Variants in TMC7 observed in about 807,000 individuals in gnomAD.
TMC7 encodes transmembrane channel like 7, also known as transmembrane channel-like protein 7.
TMC7 carries 54 observed loss-of-function variants against 82.9 expected under a neutral mutation model. The ratio of observed to expected loss-of-function variants is 0.65; its 90% CI spans 0.52 to 0.82. The LOEUF (loss-of-function observed/expected upper bound fraction) is 0.82, where lower values mean the gene tolerates loss of function less well. TMC7 is among the 40% of genes least tolerant of loss of function. TMC7 has a pLI of 0.00. For missense variants in TMC7, 820 were observed against 901.2 expected, an observed-to-expected ratio of 0.91 and a Z score of 1.15; for synonymous variants, 350 against 337.9, an observed-to-expected ratio of 1.04 and a Z score of -0.39.
chr16:19,000,354 C>A (rs2039120685), intron 1 of TMC7, among the ~76,000 whole-genome samples: 1 of 152,076 alleles, frequency 6.6e-6, no homozygotes, highest in Non-Finnish European at 1.5e-5. Context: ...GTAATCCCAG[C>A]TACTTGGGAG....
intron 1 of TMC7, among the ~76,000 whole-genome samples, chr16:18,986,929 C>T (rs1196428985): frequency 1.1e-4 from 17 of 151,360 alleles, no homozygotes; most frequent in Middle Eastern, 3.2e-3. Context: ...CTCAGCCTCC[C>T]GAGTAGCTGG....
At position 18,988,694 on chromosome 16, in the gene TMC7, T is replaced by C. The variant is rs553755695; in HGVS notation, c.67+4564T>C. On this transcript the variant is annotated intron_variant, in intron 1 of 15. Transcript: ENST00000304381. Reference sequence around the variant, plus strand: ...TCTTGCCTTGGCCTCCTGGAGCACTTGATTACGGGCATGACTGCATGTGCC... The same window carrying C: ...TCTTGCCTTGGCCTCCTGGAGCACTCGATTACGGGCATGACTGCATGTGCC... 2.0e-5 allele frequency among the ~76,000 whole-genome samples: 3 copies of C among 152,308 alleles called. No homozygotes were observed. In the South Asian group the frequency reaches 6.2e-4, roughly 32 times the overall value.
At chr16:19,001,005 C>T (rs1229196438) in intron 1 of TMC7, among the ~76,000 whole-genome samples, 1 of 151,996 alleles carries the variant, frequency 6.6e-6, no homozygotes, top group East Asian at 1.9e-4. Flanking sequence ...AGAGTGAGAT[C>T]CTGTCTCAAA....
chr16:19,011,592 C>T (rs1211452868), intron 2 of TMC7, among the ~76,000 whole-genome samples: 33 of 151,522 alleles, frequency 2.2e-4, no homozygotes. Flanking sequence ...TGATGTGTGC[C>T]TATAGTCCCA....
rs2142252868 is a variant in TMC7 at position 19,035,695 on chromosome 16, A to G, written c.877A>G (p.Ile293Val). The G allele has an allele frequency of 6.2e-7, 1 of 1,614,170 alleles. No individual in the cohort carries two copies. Among genetic ancestry groups the G allele is most frequent in the East Asian group, 2.2e-5 (1 of 44,886 alleles). ...GGTCAGGTCGGTGGAAGGATTCAAA[A>G]TCAACCTGATTCGGAGTGAGGAGCA... ...IVKRSVEGFKINLIRSEEHFQ... is the reference protein window; with the variant it reads ...IVKRSVEGFKVNLIRSEEHFQ... The change falls in exon 7 of 16, where the codon ATC becomes GTC. Residue 293 changes from isoleucine (I) to valine (V), a missense_variant. Physicochemically the swap from Ile to Val is conservative, Grantham distance 29 (BLOSUM62 3). Transcript: ENST00000304381.
intron 1 of TMC7, among the ~76,000 whole-genome samples, chr16:19,000,435 A>T (rs539067982): frequency 6.6e-6 from 1 of 152,206 alleles, no homozygotes; most frequent in East Asian, 1.9e-4. Context: ...CCACTGCACC[A>T]CTGCACTCCA....
chr16:19,020,952 A>C (rs1217775762), intron 3 of TMC7, among the ~76,000 whole-genome samples: 2 of 152,122 alleles, frequency 1.3e-5, no homozygotes, highest in Non-Finnish European at 2.9e-5. Context: ...ACAGAAAACT[A>C]TAATAGTATT....
chr16:19,037,204 A>T (rs1198855605), intron 7 of TMC7, among the ~76,000 whole-genome samples: 1 of 151,664 alleles, frequency 6.6e-6, no homozygotes, highest in Admixed American at 6.6e-5. Context: ...CCTGGCCAAT[A>T]TGGTGAAACC....
At chr16:18,998,974 C>T (rs573672470) in intron 1 of TMC7, among the ~76,000 whole-genome samples, 6 of 152,284 alleles carry the variant, frequency 3.9e-5, no homozygotes, top group Admixed American at 2.6e-4. Flanking sequence ...CGGGAGGCTA[C>T]CAGGGCCTCT....
At chr16:19,056,477 C>T (rs911526551) in intron 13 of TMC7, 65 bp from the exon 14 acceptor site, 27 of 1,546,130 alleles carry the variant, frequency 1.7e-5, no homozygotes, top group Non-Finnish European at 2.3e-5. Context: ...TCTGGGTGTA[C>T]AGGGGCGGGA....
chr16:19,004,709 C>A (rs1407319394), intron 1 of TMC7, among the ~76,000 whole-genome samples: 7 of 152,010 alleles, frequency 4.6e-5, no homozygotes, highest in African/African-American at 1.7e-4. Context: ...ATCCATGGCC[C>A]CCTGAATTTT....
intron 14 of TMC7, among the ~76,000 whole-genome samples, chr16:19,058,277 G>A (rs1232687747): frequency 6.6e-6 from 1 of 152,112 alleles, no homozygotes; most frequent in Non-Finnish European, 1.5e-5. Context: ...CTACTTAGGA[G>A]GCTGAGGCAG....
At chr16:19,058,382 A>AAAAT (rs904054515) in intron 14 of TMC7, among the ~76,000 whole-genome samples, 7 of 151,354 alleles carry the variant, frequency 4.6e-5, no homozygotes, top group South Asian at 2.1e-4. Flanking sequence ...CTCCGTCTCA[A>AAAAT]AAATAAATAA....
rs976060622 is a variant in TMC7 at position 19,062,036 on chromosome 16, C to A, written c.*193C>A. ...TTAGGGCTTCAGTGACTTAGAAAAG[C>A]AGGGGAAACCCAAGGCTTTGCCTGC... On this transcript the variant is annotated 3_prime_UTR_variant, in exon 16 of 16. Transcript: ENST00000304381. The A allele has an allele frequency of 2.3e-6, 1 of 428,036 alleles. No individual in the cohort carries two copies. The allele number at this position is 428,036 out of a possible 1,614,324, so 26.5% of individuals were successfully genotyped here. A position where few individuals can be genotyped will look rare whatever the true frequency, so the allele number is the denominator to read the frequency against.
At chr16:19,036,886 G>A (rs752560653) in intron 7 of TMC7, among the ~76,000 whole-genome samples, 11 of 152,150 alleles carry the variant, frequency 7.2e-5, no homozygotes, top group East Asian at 1.9e-4. Flanking sequence ...CACTAAATAC[G>A]AACTGATTAA....
chr16:19,059,127 C>T (rs535840053), intron 14 of TMC7, among the ~76,000 whole-genome samples: 2 of 152,264 alleles, frequency 1.3e-5, no homozygotes, highest in African/African-American at 2.4e-5. Flanking sequence ...ATCCGCCTGC[C>T]TCGGCCTCCC....
chr16:19,003,544 A>T (rs1250557188), intron 1 of TMC7, among the ~76,000 whole-genome samples: 1 of 149,586 alleles, frequency 6.7e-6, no homozygotes, highest in Non-Finnish European at 1.5e-5. Flanking sequence ...CCAACAGCTC[A>T]TTGAGAACGG....
intron 9 of TMC7, among the ~76,000 whole-genome samples, chr16:19,041,427 G>A (rs1412688751): frequency 7.9e-5 from 12 of 151,208 alleles, no homozygotes; most frequent in African/African-American, 7.3e-5. Context: ...GTGCAGTGGC[G>A]TGATCTTGGC....
chr16:18,998,090 G>T (rs1287774593), intron 1 of TMC7, among the ~76,000 whole-genome samples: 3 of 152,040 alleles, frequency 2.0e-5, no homozygotes, highest in African/African-American at 7.2e-5. Context: ...TTCGTTTATG[G>T]ATTATCTGTG....
Sources: gnomAD v4.1 joint callset for allele counts (sites outside exome capture counted in the v4.1 genomes callset) on GRCh38, gnomAD v4.1.1 for gene constraint, MANE v1.5 for transcripts, NCBI Gene and HGNC (gene_info 2026-07-23, HGNC 2026-07-21) for gene names.